Variants in TRAPPC9 observed in about 807,000 individuals in gnomAD.
The protein encoded by TRAPPC9 is trafficking protein particle complex subunit 9.
Under a neutral mutation model 124.0 loss-of-function variants are expected in TRAPPC9, and 83 were observed. That is an observed-to-expected ratio of 0.67 (90% CI 0.56 to 0.80). The LOEUF is 0.80. TRAPPC9 is among the 30% of genes least tolerant of loss of function. TRAPPC9 has a pLI of 0.00. For synonymous variants in TRAPPC9, 638 were observed against 617.5 expected (o/e 1.03, Z -0.49); for missense variants, 1,302 against 1,508.3 (o/e 0.86, Z 2.27).
At chr8:140,425,110 G>C (rs2070374423) in intron 5 of TRAPPC9, among the ~76,000 whole-genome samples, 1 of 152,208 alleles carries the variant, frequency 6.6e-6, no homozygotes, top group Non-Finnish European at 1.5e-5. Context: ...CAAGGGTTTA[G>C]AAAGGACCAA....
intron 17 of TRAPPC9, among the ~76,000 whole-genome samples, chr8:140,164,564 G>C (rs578062806): frequency 6.6e-6 from 1 of 152,298 alleles, no homozygotes; most frequent in African/African-American, 2.4e-5. Context: ...ATCATGCCTT[G>C]AGTGGCTGCT....
rs79025798 is a variant in TRAPPC9, at chr8:140,075,005, T to C, written c.2557-50926A>G. 2.2e-3 allele frequency among the ~76,000 whole-genome samples: 338 copies of C among 152,260 alleles called. 7 individuals are homozygous for C. The East Asian group carries it at 0.054, about 24-fold the overall frequency. On this transcript the variant is annotated intron_variant, in intron 17 of 22. Transcript: ENST00000438773. ...CAGAAAAGAGACATCACTTGCCCAA[T>C]GTCAGCCTTCATGTTAGAAGAGATC...
chr8:140,452,029 G>A (rs1470522678), intron 1 of TRAPPC9, among the ~76,000 whole-genome samples: 1 of 151,456 alleles, frequency 6.6e-6, no homozygotes, highest in African/African-American at 2.4e-5. Flanking sequence ...GCTGAGGCAG[G>A]AAAATCACTG....
rs558681366 is a variant in TRAPPC9 at position 140,252,028 on chromosome 8, CTTTT to C, written c.2431+745_2431+748del. Among the ~76,000 whole-genome samples the C allele has an allele frequency of 1.4e-5, 2 of 145,358 alleles. No individual in the cohort carries two copies. Among genetic ancestry groups the C allele is most frequent in the African/African-American group, 5.1e-5 (2 of 39,552 alleles). On this transcript the variant is annotated intron_variant, in intron 16 of 22. Coordinates refer to ENST00000438773, the MANE Select transcript of TRAPPC9 (RefSeq NM_001160372.4). The surrounding 1 kb of genome is among the most constrained non-coding windows in gnomAD (Gnocchi z 4.2). Reference sequence around the variant, plus strand: ...ATTTGGCATAATTAATTTATGAAATCTTTTTTTTTTTTTTGAGATGGAGTCTCAC... The same window carrying C: ...ATTTGGCATAATTAATTTATGAAATCTTTTTTTTTTGAGATGGAGTCTCAC...
At chr8:139,847,018 T>G (rs55758896) in intron 21 of TRAPPC9, among the ~76,000 whole-genome samples, 33,803 of 152,282 alleles carry the variant, frequency 0.22, 4,490 homozygotes, top group East Asian at 0.65. Flanking sequence ...TATTAAGAGA[T>G]GACTGTGTGC....
At chr8:139,779,963 T>G (rs1014996136) in intron 21 of TRAPPC9, among the ~76,000 whole-genome samples, 3 of 152,008 alleles carry the variant, frequency 2.0e-5, no homozygotes, top group African/African-American at 7.2e-5. Flanking sequence ...TAACAAAACA[T>G]GTACAAGAGC....
intron 17 of TRAPPC9, among the ~76,000 whole-genome samples, chr8:140,203,788 T>C (rs566530943): frequency 2.3e-4 from 35 of 152,230 alleles, no homozygotes; most frequent in African/African-American, 7.9e-4. Flanking sequence ...AAGAGTCCTT[T>C]CTAAGGAAGA....
intron 21 of TRAPPC9, among the ~76,000 whole-genome samples, chr8:139,763,605 C>T (rs999739944): frequency 1.5e-5 from 2 of 132,944 alleles, no homozygotes; most frequent in Non-Finnish European, 3.1e-5. Context: ...CACACATGCA[C>T]ATAAACACAC....
intron 9 of TRAPPC9, among the ~76,000 whole-genome samples, chr8:140,349,858 G>C (rs563892967): frequency 7.4e-4 from 113 of 152,334 alleles, no homozygotes; most frequent in Admixed American, 1.6e-3. Flanking sequence ...CAGGTAGCCC[G>C]GCAACGGTAG....
At chr8:139,943,845 A>G (rs1419697196) in intron 19 of TRAPPC9, among the ~76,000 whole-genome samples, 2 of 152,188 alleles carry the variant, frequency 1.3e-5, no homozygotes, top group Admixed American at 6.5e-5. Context: ...AAAGTAAGTC[A>G]TCCAATCTTA....
intron 8 of TRAPPC9, among the ~76,000 whole-genome samples, chr8:140,364,529 A>T (rs2068052512): frequency 6.6e-6 from 1 of 151,960 alleles, no homozygotes; most frequent in African/African-American, 2.4e-5. Flanking sequence ...TTAGACACCC[A>T]ACTCTCCCGT....
chr8:139,797,406 C>T (rs1021747919), intron 21 of TRAPPC9, among the ~76,000 whole-genome samples: 22 of 152,096 alleles, frequency 1.4e-4, no homozygotes, highest in Admixed American at 9.2e-4. Context: ...ATTACAGGCA[C>T]CCGCCATCAT....
chr8:139,921,656 T>TAA (rs1700267713), intron 19 of TRAPPC9, among the ~76,000 whole-genome samples: 1 of 148,370 alleles, frequency 6.7e-6, no homozygotes, highest in East Asian at 2.0e-4. Flanking sequence ...GAGGGAGCAT[T>TAA]ACTTGCAAAG....
At chr8:140,137,848 C>A (rs6996103) in intron 17 of TRAPPC9, among the ~76,000 whole-genome samples, 114,643 of 152,146 alleles carry the variant, frequency 0.75, 44,266 homozygotes, top group African/African-American at 0.91. Context: ...TAAACCATAA[C>A]CATATACGAT....
chr8:140,008,473 C>G (rs1198720056), intron 18 of TRAPPC9: 1 of 152,260 alleles, frequency 6.6e-6, no homozygotes, highest in Non-Finnish European at 1.5e-5. Context: ...TTACCTTGCC[C>G]TGGAATATTC....
chr8:139,989,969 GACAGCA>G (rs1363712993), intron 18 of TRAPPC9, among the ~76,000 whole-genome samples: 1 of 152,160 alleles, frequency 6.6e-6, no homozygotes, highest in African/African-American at 2.4e-5. Flanking sequence ...AGACACAGAT[GACAGCA>G]ACTGAGCAGA....
At chr8:139,770,184 C>G (rs921409812) in intron 21 of TRAPPC9, among the ~76,000 whole-genome samples, 1 of 152,230 alleles carries the variant, frequency 6.6e-6, no homozygotes, top group Non-Finnish European at 1.5e-5. Flanking sequence ...GCTGCCAGCC[C>G]GTTACTCCTG....
chr8:139,767,423 A>ATCCTCACGAGGGCAGCATCCCG (rs1454241377), intron 21 of TRAPPC9, among the ~76,000 whole-genome samples: 3 of 152,188 alleles, frequency 2.0e-5, no homozygotes, highest in Non-Finnish European at 2.9e-5. Flanking sequence ...AGAGCATCCC[A>ATCCTCACGAGGGCAGCATCCCG]TCCTCACGAG....
At chr8:139,740,036 C>G (rs1263728064) in intron 21 of TRAPPC9, among the ~76,000 whole-genome samples, 1 of 152,198 alleles carries the variant, frequency 6.6e-6, no homozygotes, top group Admixed American at 6.5e-5. Flanking sequence ...ACATGAGGGA[C>G]CAGGGCCATG....
Sources: gnomAD v4.1 joint callset for allele counts (sites outside exome capture counted in the v4.1 genomes callset) on GRCh38, gnomAD v4.1.1 for gene constraint, Gnocchi (gnomAD v3.1) non-coding constraint, MANE v1.5 for transcripts, NCBI Gene and HGNC (gene_info 2026-07-23, HGNC 2026-07-21) for gene names.